Variants in TSHR observed in about 807,000 individuals in gnomAD.
TSHR encodes the protein thyroid stimulating hormone receptor.
A neutral mutation model predicts 64.1 loss-of-function variants in TSHR; 51 were observed. The observed-to-expected ratio is 0.80, with a 90% CI of 0.64 to 1.01. The LOEUF (loss-of-function observed/expected upper bound fraction) is 1.01, where lower values mean the gene tolerates loss of function less well. TSHR is among the 50% of genes least tolerant of loss of function. The pLI is 0.00. For synonymous variants in TSHR, 361 were observed against 361.9 expected (o/e 1.00, Z 0.03); for missense variants, 877 against 942.8 (o/e 0.93, Z 0.91).
At chr14:81,040,145 T>C (rs892401021) in intron 1 of TSHR, among the ~76,000 whole-genome samples, 7 of 151,632 alleles carry the variant, frequency 4.6e-5, no homozygotes, top group African/African-American at 1.7e-4. Flanking sequence ...AGAAGAGAGA[T>C]CACAGAAATA....
At chr14:80,996,737 C>T (rs1889045883) in intron 1 of TSHR, among the ~76,000 whole-genome samples, 1 of 152,062 alleles carries the variant, frequency 6.6e-6, no homozygotes, top group Non-Finnish European at 1.5e-5. Context: ...GTACTAGTTC[C>T]TCCTTAAATT....
chr14:80,980,525 T>C lies in TSHR; in HGVS notation c.170+24675T>C, dbSNP rs141190115. 1.7e-3 allele frequency among the ~76,000 whole-genome samples: 254 copies of C among 152,362 alleles called. 1 individual carries two copies. Among genetic ancestry groups the C allele is most frequent in the African/African-American group, 5.2e-3 (216 of 41,590 alleles). ...TCTGCCACCAGCTCAGTTATCCTTC[T>C]CTTGATGTTTTCATCTTTGACTTTT... On this transcript the variant is annotated intron_variant, in intron 1 of 9. Transcript: ENST00000298171.
intron 1 of TSHR, among the ~76,000 whole-genome samples, chr14:80,973,763 T>C (rs574787736): frequency 2.6e-5 from 4 of 152,356 alleles, no homozygotes; most frequent in Admixed American, 2.6e-4. Context: ...CTATGCCTTT[T>C]TTTAAAATCT....
chr14:81,006,560 G>T (rs573135024), intron 1 of TSHR, among the ~76,000 whole-genome samples: 1 of 151,538 alleles, frequency 6.6e-6, no homozygotes, highest in Non-Finnish European at 1.5e-5. Flanking sequence ...GTCACCAGGC[G>T]AGAGCGCAGT....
chr14:81,122,678 T>C (rs1595150582), intron 8 of TSHR, among the ~76,000 whole-genome samples: 1 of 152,042 alleles, frequency 6.6e-6, no homozygotes, highest in East Asian at 1.9e-4. Context: ...AAACAATACA[T>C]CAAGAAATAC....
chr14:81,037,329 GA>G (rs143326671), intron 1 of TSHR, among the ~76,000 whole-genome samples: 33,140 of 134,490 alleles, frequency 0.25, 3,899 homozygotes, highest in South Asian at 0.33. Context: ...CAATGAAAAA[GA>G]AAAAAAAAAT....
At chr14:80,996,600 G>A (rs538887127) in intron 1 of TSHR, among the ~76,000 whole-genome samples, 345 of 5,612 alleles carry the variant, frequency 0.061, 4 homozygotes, top group East Asian at 0.5. Context: ...GTCCTCAACT[G>A]GCAAGAAGCA....
At chr14:81,080,065 G>A (rs1283694722) in intron 3 of TSHR, among the ~76,000 whole-genome samples, 1 of 152,078 alleles carries the variant, frequency 6.6e-6, no homozygotes, top group Non-Finnish European at 1.5e-5. Context: ...GGATTCTCCT[G>A]CCTCAGACTC....
intron 1 of TSHR, among the ~76,000 whole-genome samples, chr14:81,028,448 A>G (rs114818008): frequency 0.053 from 8,017 of 150,238 alleles, 313 homozygotes; most frequent in African/African-American, 0.12. Flanking sequence ...AGACAGTAAG[A>G]AAAAAAAATC....
chr14:80,990,839 G>A (rs1888691186), intron 1 of TSHR, among the ~76,000 whole-genome samples: 1 of 152,148 alleles, frequency 6.6e-6, no homozygotes, highest in Admixed American at 6.5e-5. Flanking sequence ...ATCGTTAGTA[G>A]AGACGGGGTT....
At chr14:80,964,362 T>C (rs1422164328) in intron 1 of TSHR, among the ~76,000 whole-genome samples, 1 of 152,238 alleles carries the variant, frequency 6.6e-6, no homozygotes, top group Non-Finnish European at 1.5e-5. Context: ...TCTGATGAAG[T>C]AGTAAGCATA....
At chr14:81,131,288 G>C (rs573342697) in intron 8 of TSHR, among the ~76,000 whole-genome samples, 1 of 152,084 alleles carries the variant, frequency 6.6e-6, no homozygotes, top group Admixed American at 6.5e-5. Context: ...ACCATTTTCA[G>C]TATCTCCACT....
At chr14:81,094,679 A>ATT (rs1162262371) in intron 6 of TSHR, among the ~76,000 whole-genome samples, 9,959 of 76,140 alleles carry the variant, frequency 0.13, 1,233 homozygotes, top group Non-Finnish European at 0.16. Flanking sequence ...TATTTTTTTA[A>ATT]TTTTTTTTTT....
intron 1 of TSHR, among the ~76,000 whole-genome samples, chr14:81,022,541 G>A (rs1316933081): frequency 6.6e-6 from 1 of 151,996 alleles, no homozygotes; most frequent in Non-Finnish European, 1.5e-5. Flanking sequence ...GGGTGTTTGG[G>A]GCCGGGCACG....
Position 81,143,129 on chromosome 14 carries a change from A to C in TSHR, c.1071A>C (p.Glu357Asp). The C allele has an allele frequency of 6.2e-7, 1 of 1,614,204 alleles. No individual in the cohort carries two copies. The highest frequency in any genetic ancestry group is 8.5e-7 in the Non-Finnish European group (1 of 1,180,030). Residue 357 changes from glutamate (E) to aspartate (D), a missense_variant, in exon 10 of 10, where the codon GAA becomes GAC. Transcript: ENST00000298171. ...ACGCTCATTATTACGTCTTCTTTGA[A>C]GAACAAGAGGATGAGATCATTGGTT... ...HNNAHYYVFF[E>D]EQEDEIIGFG...
intron 8 of TSHR, among the ~76,000 whole-genome samples, chr14:81,126,779 TC>T (rs1404967309): frequency 1.3e-5 from 2 of 152,234 alleles, no homozygotes; most frequent in African/African-American, 4.8e-5. Context: ...TCTTCACTGT[TC>T]CTTCTTTGCA....
chr14:81,032,492 A>C (rs995011683), intron 1 of TSHR: 2 of 360,224 alleles, frequency 5.6e-6, no homozygotes, highest in African/African-American at 4.3e-5. Flanking sequence ...GAGTTGTCAG[A>C]GTTTTCCATT....
At chr14:81,040,331 G>A (rs1361228436) in intron 1 of TSHR, among the ~76,000 whole-genome samples, 1 of 151,818 alleles carries the variant, frequency 6.6e-6, no homozygotes, top group Non-Finnish European at 1.5e-5. Context: ...TTGACTAGAA[G>A]CTTAAATCAA....
rs979150807 is a variant in TSHR, at chr14:80,969,849, G to A, written c.170+13999G>A. ...CACCCCCATAGATATAGCCATATTT[G>A]TTTCCTAGACTTTCTTGTTCTCTGT... On this transcript the variant is annotated intron_variant, in intron 1 of 9. Coordinates refer to ENST00000298171, the MANE Select transcript of TSHR (RefSeq NM_000369.5). Among the ~76,000 whole-genome samples the A allele has an allele frequency of 4.6e-5, 7 of 152,310 alleles. No homozygotes were observed. The East Asian group carries it at 9.7e-4, about 21-fold the overall frequency.
Sources: allele counts gnomAD v4.1 joint callset (sites outside exome capture counted in the v4.1 genomes callset), GRCh38; gene constraint gnomAD v4.1.1; transcripts MANE v1.5; gene names NCBI Gene and HGNC (gene_info 2026-07-23, HGNC 2026-07-21).